Variants in ADSL observed in about 807,000 individuals in gnomAD.
ADSL encodes the protein adenylosuccinate lyase.
Under a neutral mutation model 62.1 loss-of-function variants are expected in ADSL, and 44 were observed. That is an observed-to-expected ratio of 0.71 (90% CI 0.56 to 0.91). ADSL has a LOEUF of 0.91. ADSL is among the 40% of genes least tolerant of loss of function. ADSL has a pLI of 0.00. For synonymous variants in ADSL, 198 were observed against 220.5 expected (o/e 0.90, Z 0.90); for missense variants, 531 against 627.4 (o/e 0.85, Z 1.64).
At chr22:40,363,257 CAG>C (rs1198532259) in intron 10 of ADSL, among the ~76,000 whole-genome samples, 186 bp downstream of exon 10, 2 of 152,150 alleles carry the variant, frequency 1.3e-5, no homozygotes, top group Admixed American at 1.3e-4. Flanking sequence ...ATTATAGAAA[CAG>C]AAAAAGAAGT....
At chr22:40,349,114 CAA>C (rs1186817955) in intron 1 of ADSL, among the ~76,000 whole-genome samples, 1 of 152,012 alleles carries the variant, frequency 6.6e-6, no homozygotes, top group Non-Finnish European at 1.5e-5. Flanking sequence ...ATAAATAAAA[CAA>C]AGCTCCTCAA....
intron 10 of ADSL, 96 bp downstream of exon 10, chr22:40,363,167 C>A: frequency 8.6e-7 from 1 of 1,156,148 alleles, no homozygotes; most frequent in South Asian, 1.2e-5. Flanking sequence ...GTATTCTGAT[C>A]CGATAGGCAT....
chr22:40,347,593 C>T (rs959536154), intron 1 of ADSL, among the ~76,000 whole-genome samples: 2 of 152,174 alleles, frequency 1.3e-5, no homozygotes, highest in Non-Finnish European at 2.9e-5. Flanking sequence ...GGACCTGTAC[C>T]ATGGAACTCT....
intron 2 of ADSL, among the ~76,000 whole-genome samples, chr22:40,378,771 G>T (rs1428331579): frequency 1.3e-5 from 2 of 151,902 alleles, no homozygotes; most frequent in Non-Finnish European, 2.9e-5. Flanking sequence ...ATGGGTTGTT[G>T]TACTGAATGA....
chr22:40,371,258 AATT>A, downstream of ADSL, among the ~76,000 whole-genome samples: 1 of 152,216 alleles, frequency 6.6e-6, no homozygotes, highest in South Asian at 2.1e-4. Flanking sequence ...GAATTTTGAA[AATT>A]ATTCTCATAC....
intron 10 of ADSL, 117 bp downstream of exon 10, chr22:40,363,188 C>T (rs572734329): frequency 2.0e-5 from 18 of 910,438 alleles, no homozygotes; most frequent in African/African-American, 1.3e-4. Context: ...TCTTCCCACC[C>T]GAGCTCATCC....
intron 3 of ADSL, chr22:40,353,376 TC>T: frequency 1.4e-6 from 1 of 702,514 alleles, no homozygotes; most frequent in South Asian, 1.5e-5. Flanking sequence ...TATTGCAACC[TC>T]CGCCTCCCAG....
chr22:40,375,748 C>G (rs780903427), intron 2 of ADSL, among the ~76,000 whole-genome samples: 21 of 151,536 alleles, frequency 1.4e-4, no homozygotes, highest in Non-Finnish European at 2.8e-4. Context: ...AGCTAACACT[C>G]TAAAGACATG....
intron 3 of ADSL, 79 bp downstream of exon 3, chr22:40,353,196 C>T (rs1569090330): frequency 1.7e-6 from 2 of 1,158,172 alleles, no homozygotes; most frequent in Non-Finnish European, 1.3e-6. Flanking sequence ...ACTAAATCAA[C>T]ACAGTGTAAA....
chr22:40,348,752 C>G, intron 1 of ADSL: 1 of 395,910 alleles, frequency 2.5e-6, no homozygotes, highest in Admixed American at 4.4e-5. Context: ...TAGCTCCTTT[C>G]TTGGATAAAA....
intron 6 of ADSL, among the ~76,000 whole-genome samples, chr22:40,359,623 C>T (rs544260891): frequency 1.1e-4 from 17 of 151,138 alleles, no homozygotes; most frequent in Non-Finnish European, 2.1e-4. Flanking sequence ...CGGCAGCCTC[C>T]GCCTCCCAGT....
intron 9 of ADSL, among the ~76,000 whole-genome samples, chr22:40,361,907 A>T (rs1216848795): frequency 6.6e-6 from 1 of 152,228 alleles, no homozygotes; most frequent in Non-Finnish European, 1.5e-5. Context: ...TAAGAAATAC[A>T]TGCATCTTTT....
rs1290953405 is a variant in ADSL at position 40,368,567 on chromosome 22, G to T, written c.*2045G>T. The T allele has an allele frequency of 6.6e-6, 1 of 152,118 alleles. No individual in the cohort carries two copies. Among genetic ancestry groups the T allele is most frequent in the Non-Finnish European group, 1.5e-5 (1 of 68,044 alleles). The allele number at this position is 152,118 out of a possible 1,614,324, so 9.4% of individuals were successfully genotyped here. Reference sequence around the variant, plus strand: ...GAACATAGGCTAGTATAGCAAGCAAGCAGGGATAGCATAGAGCCATTTGCT... The same window carrying T: ...GAACATAGGCTAGTATAGCAAGCAATCAGGGATAGCATAGAGCCATTTGCT... On this transcript the variant is annotated 3_prime_UTR_variant, in exon 13 of 13. Transcript: ENST00000623063.
At chr22:40,364,168 A>G in intron 10 of ADSL, 108 bp from the exon 11 acceptor site, 1 of 811,982 alleles carries the variant, frequency 1.2e-6, no homozygotes, top group South Asian at 1.4e-5. Flanking sequence ...ACTCTCCATA[A>G]TGTGGTAGTT....
At chr22:40,378,390 C>T (rs1882494393) in intron 2 of ADSL, 1 of 152,202 alleles carries the variant, frequency 6.6e-6, no homozygotes, top group Non-Finnish European at 1.5e-5. Flanking sequence ...AATAGTGCCA[C>T]TGCATTCCAG....
At chr22:40,365,868 T>TA (rs1298011494) in intron 12 of ADSL, among the ~76,000 whole-genome samples, 3 of 151,584 alleles carry the variant, frequency 2.0e-5, no homozygotes, top group East Asian at 3.9e-4. Context: ...GATCCTGTCT[T>TA]AAAAAAAATA....
At chr22:40,375,456 T>C (rs1601692912) in intron 2 of ADSL, among the ~76,000 whole-genome samples, 1 of 151,946 alleles carries the variant, frequency 6.6e-6, no homozygotes, top group East Asian at 1.9e-4. Context: ...GGCAGGCGCC[T>C]GTAATCCCAG....
chr22:40,384,538 TGGAAG>T lies in ADSL; in HGVS notation c.90-5690_90-5686del, dbSNP rs538474568. ...GCTCACGCCTGTAATCCCAGCACTT[TGGAAG>T]GCCAAGGTGGGCGGATCACGAGGTC... is the stretch of plus-strand genomic sequence containing the variant. On this transcript the variant is annotated intron_variant, in intron 2 of 2. Transcript: ENST00000498234. Among the ~76,000 whole-genome samples the T allele has an allele frequency of 7.9e-5, 12 of 152,322 alleles. No homozygotes were observed. In the South Asian group the frequency reaches 2.5e-3, roughly 32 times the overall value.
intron 4 of ADSL, among the ~76,000 whole-genome samples, chr22:40,358,376 G>T (rs2044646548): frequency 6.6e-6 from 1 of 152,098 alleles, no homozygotes; most frequent in Non-Finnish European, 1.5e-5. Context: ...TTGAGACATA[G>T]AGTTTGAGAC....
Sources: gnomAD v4.1 joint callset for allele counts (sites outside exome capture counted in the v4.1 genomes callset) on GRCh38, gnomAD v4.1.1 for gene constraint, MANE v1.5 for transcripts, NCBI Gene and HGNC (gene_info 2026-07-23, HGNC 2026-07-21) for gene names.